CSMD3: variants seen among roughly 807,000 people sequenced by gnomAD.
CSMD3 encodes the protein CUB and Sushi multiple domains 3.
A neutral mutation model predicts 435.2 loss-of-function variants in CSMD3; 177 were observed. That is an observed-to-expected ratio of 0.41 (90% confidence interval 0.36 to 0.46). The LOEUF is 0.46. CSMD3 is among the 20% of genes least tolerant of loss of function. CSMD3 has a pLI of 0.34. For synonymous variants in CSMD3, 1,656 were observed against 1,520.5 expected, an observed-to-expected ratio of 1.09 and a Z score of -2.07; for missense variants, 4,265 against 4,504.6, an observed-to-expected ratio of 0.95 and a Z score of 1.52.
chr8:112,224,789 C>A lies in CSMD3; in HGVS notation c.11106G>T (p.Thr3702=). The change falls in exon 71 of 71, where the codon ACG becomes ACT. Residue 3702 remains threonine, a synonymous_variant. Coordinates refer to ENST00000297405, the MANE Select transcript of CSMD3 (RefSeq NM_198123.2). ...KAVRFDPNLN[T]VCTMV The stretch of plus-strand genomic sequence containing the variant: ...TGCCTCGTTATACCATTGTGCAAAC[C>A]GTGTTCAAGTTGGGATCAAATCGTA... 1 of 1,613,966 alleles carries A rather than the reference C, an allele frequency of 6.2e-7. No homozygotes were observed. The highest frequency in any genetic ancestry group is 8.5e-7 in the Non-Finnish European group (1 of 1,179,900).
intron 47 of CSMD3, among the ~76,000 whole-genome samples, chr8:112,315,831 A>G (rs1363421918): frequency 6.6e-6 from 1 of 151,882 alleles, no homozygotes; most frequent in Admixed American, 6.6e-5. Context: ...GGAGTTAAAT[A>G]GCATTGTTTC....
chr8:112,538,332 G>C (rs992274789), intron 27 of CSMD3, among the ~76,000 whole-genome samples: 1 of 151,936 alleles, frequency 6.6e-6, no homozygotes, highest in Non-Finnish European at 1.5e-5. Context: ...ATTCATCATA[G>C]TACTAAAAGT....
chr8:112,364,752 T>C (rs1827598491), intron 38 of CSMD3, among the ~76,000 whole-genome samples: 1 of 152,052 alleles, frequency 6.6e-6, no homozygotes, highest in East Asian at 1.9e-4. Flanking sequence ...TTCCATGAGC[T>C]AGGATCATTT....
intron 4 of CSMD3, among the ~76,000 whole-genome samples, chr8:113,164,007 A>G (rs1254709091): frequency 6.6e-6 from 1 of 152,032 alleles, no homozygotes. Context: ...TTCATTGTCC[A>G]GTAAGTTTGG....
intron 4 of CSMD3, among the ~76,000 whole-genome samples, chr8:113,167,129 G>A (rs2092166538): frequency 6.6e-6 from 1 of 151,848 alleles, no homozygotes; most frequent in Non-Finnish European, 1.5e-5. Flanking sequence ...GACTATCTTA[G>A]TTTTTTAAAT....
intron 11 of CSMD3, among the ~76,000 whole-genome samples, chr8:112,841,033 A>G (rs1243313863): frequency 6.6e-6 from 1 of 151,722 alleles, no homozygotes; most frequent in Non-Finnish European, 1.5e-5. Context: ...ATGTGTTATG[A>G]AGTGTTTTAA....
At chr8:113,253,980 GC>G (rs1166616460) in intron 3 of CSMD3, among the ~76,000 whole-genome samples, 1 of 152,010 alleles carries the variant, frequency 6.6e-6, no homozygotes, top group Non-Finnish European at 1.5e-5. Flanking sequence ...TTTTCCCTGT[GC>G]CTGACATGAC....
chr8:112,561,933 T>C (rs1020594651), intron 24 of CSMD3, among the ~76,000 whole-genome samples: 2 of 151,608 alleles, frequency 1.3e-5, no homozygotes, highest in Non-Finnish European at 3.0e-5. Flanking sequence ...TTTTAACTAC[T>C]CTGTGGTATT....
chr8:112,286,961 A>G (rs775038977), intron 58 of CSMD3, 103 bp downstream of exon 58: 6 of 895,176 alleles, frequency 6.7e-6, no homozygotes, highest in Non-Finnish European at 1.1e-5. Flanking sequence ...AGTTGCAGGC[A>G]GAATAAACTA....
intron 4 of CSMD3, among the ~76,000 whole-genome samples, chr8:113,162,487 C>T (rs996824203): frequency 6.6e-6 from 1 of 151,078 alleles, no homozygotes; most frequent in African/African-American, 2.4e-5. Flanking sequence ...ATCCCTTGAA[C>T]CCAGGAGGCA....
At chr8:112,528,154 GT>G (rs1230782816) in intron 27 of CSMD3, among the ~76,000 whole-genome samples, 1 of 151,876 alleles carries the variant, frequency 6.6e-6, no homozygotes, top group African/African-American at 2.4e-5. Flanking sequence ...TTTTAATTGA[GT>G]TTTTTTGTAA....
At chr8:112,441,979 C>T (rs1048655948) in intron 32 of CSMD3, among the ~76,000 whole-genome samples, 2 of 152,170 alleles carry the variant, frequency 1.3e-5, no homozygotes, top group African/African-American at 4.8e-5. Flanking sequence ...GTGTATTATT[C>T]CATTTGCATT....
chr8:113,333,991 C>A (rs141112891), intron 1 of CSMD3, among the ~76,000 whole-genome samples: 1 of 151,860 alleles, frequency 6.6e-6, no homozygotes, highest in East Asian at 1.9e-4. Context: ...CTAGACATGA[C>A]TTGTTAAATT....
chr8:113,302,937 A>C (rs1242472060), intron 2 of CSMD3, among the ~76,000 whole-genome samples: 1 of 135,760 alleles, frequency 7.4e-6, no homozygotes, highest in African/African-American at 2.9e-5. Flanking sequence ...AAGGAAATAA[A>C]GGGTATTCAA....
At chr8:112,522,305 C>A (rs1586589217) in intron 27 of CSMD3, among the ~76,000 whole-genome samples, 1 of 151,722 alleles carries the variant, frequency 6.6e-6, no homozygotes, top group East Asian at 1.9e-4. Flanking sequence ...TTGTTTTATT[C>A]TAATTATATA....
At chr8:112,468,426 T>C (rs905832125) in intron 32 of CSMD3, among the ~76,000 whole-genome samples, 66 of 152,056 alleles carry the variant, frequency 4.3e-4, no homozygotes, top group Non-Finnish European at 6.0e-4. Context: ...ATATTTATGT[T>C]TCTTCTCAGC....
In CSMD3 at chr8:112,947,398, A is replaced by G. The variant is rs16884238; in HGVS notation, c.1508+392T>C. On this transcript the variant is annotated intron_variant, in intron 9 of 70. Coordinates refer to ENST00000297405, the MANE Select transcript of CSMD3 (RefSeq NM_198123.2). ...TTTTACAGGAATTGCCTCATTTGAA[A>G]CTCACCATTATATGTGGTAAATGTG... Among the ~76,000 whole-genome samples the G allele has an allele frequency of 8.0e-3, 1,221 of 151,718 alleles. 21 individuals carry two copies. Among genetic ancestry groups the G allele is most frequent in the African/African-American group, 0.028 (1,177 of 41,472 alleles).
At chr8:112,314,361 G>C in intron 48 of CSMD3, 68 bp downstream of exon 48, 1 of 1,177,060 alleles carries the variant, frequency 8.5e-7, no homozygotes, top group Non-Finnish European at 1.3e-6. Flanking sequence ...TATACTCAAA[G>C]TTTACATGTA....
intron 13 of CSMD3, among the ~76,000 whole-genome samples, chr8:112,698,764 A>T (rs894186477): frequency 6.6e-6 from 1 of 152,188 alleles, no homozygotes; most frequent in Non-Finnish European, 1.5e-5. Context: ...AGAAGGGAAA[A>T]CATTTTCTCC....
Sources: allele counts gnomAD v4.1 joint callset (sites outside exome capture counted in the v4.1 genomes callset), GRCh38; gene constraint gnomAD v4.1.1; transcripts MANE v1.5; gene names NCBI Gene and HGNC (gene_info 2026-07-23, HGNC 2026-07-21).